DLC1: variants seen among roughly 807,000 people sequenced by gnomAD.
DLC1 encodes DLC1 Rho GTPase activating protein.
DLC1 carries 54 observed loss-of-function variants against 140.3 expected under a neutral mutation model. That is an observed-to-expected ratio of 0.38 (90% confidence interval 0.31 to 0.48). The LOEUF is 0.48. Ranked by LOEUF, DLC1 falls within the 20% of genes least tolerant of loss-of-function variation. The pLI is 0.96. For synonymous variants in DLC1, 986 were observed against 728.1 expected, an observed-to-expected ratio of 1.35 and a Z score of -5.70; for missense variants, 2,536 against 1,907.0, an observed-to-expected ratio of 1.33 and a Z score of -6.14.
At chr8:13,294,425 A>G (rs908803410) in intron 5 of DLC1, among the ~76,000 whole-genome samples, 2 of 152,242 alleles carry the variant, frequency 1.3e-5, no homozygotes, top group Non-Finnish European at 2.9e-5. Context: ...TTGATGTGCT[A>G]TAGTTATATC....
At chr8:13,211,484 C>T (rs905827830) in intron 5 of DLC1, among the ~76,000 whole-genome samples, 3 of 152,136 alleles carry the variant, frequency 2.0e-5, no homozygotes, top group Admixed American at 6.5e-5. Flanking sequence ...TGAGTGAAGC[C>T]AAAAACCCTC....
intron 5 of DLC1, among the ~76,000 whole-genome samples, chr8:13,146,424 G>C (rs1297354446): frequency 6.6e-6 from 1 of 151,814 alleles, no homozygotes. Flanking sequence ...TAACTAGTGA[G>C]CTAGTGATAC....
At chr8:13,601,575 T>C (rs144874910) in intron 1 of DLC1, among the ~76,000 whole-genome samples, 3 of 151,334 alleles carry the variant, frequency 2.0e-5, no homozygotes, top group African/African-American at 7.3e-5. Flanking sequence ...ACTTACAATA[T>C]GAAGCTGGGA....
At chr8:13,361,627 A>G (rs756014778) in intron 4 of DLC1, among the ~76,000 whole-genome samples, 35 of 152,082 alleles carry the variant, frequency 2.3e-4, no homozygotes, top group Admixed American at 8.5e-4. Context: ...AAATAAGTAG[A>G]ATGTGTTTAA....
chr8:13,579,557 T>A (rs1419746461), intron 1 of DLC1, among the ~76,000 whole-genome samples: 39 of 125,918 alleles, frequency 3.1e-4, no homozygotes, highest in Non-Finnish European at 5.0e-4. Flanking sequence ...ATATTATATT[T>A]TATATTATAT....
chr8:13,195,670 C>T (rs781088493), intron 5 of DLC1, among the ~76,000 whole-genome samples: 4 of 152,120 alleles, frequency 2.6e-5, no homozygotes, highest in Non-Finnish European at 4.4e-5. Context: ...CATACAAAAA[C>T]AGATTTCAGA....
intron 5 of DLC1, among the ~76,000 whole-genome samples, chr8:13,245,020 A>C (rs1190946991): frequency 6.6e-6 from 1 of 152,094 alleles, no homozygotes; most frequent in Non-Finnish European, 1.5e-5. Flanking sequence ...TCCACCCCTT[A>C]TGTTAAGGCA....
intron 1 of DLC1, among the ~76,000 whole-genome samples, chr8:13,549,839 G>T (rs1028930429): frequency 6.6e-6 from 1 of 152,090 alleles, no homozygotes; most frequent in Non-Finnish European, 1.5e-5. Flanking sequence ...TAAAGAGATG[G>T]TCTAGCAACA....
chr8:13,317,290 T>A (rs907164348), intron 4 of DLC1, among the ~76,000 whole-genome samples: 5 of 152,212 alleles, frequency 3.3e-5, no homozygotes, highest in Non-Finnish European at 7.3e-5. Context: ...ATGAAAACGT[T>A]AGTGTCCAGA....
At chr8:13,558,742 T>C (rs576135133) in intron 1 of DLC1, 6 of 152,166 alleles carry the variant, frequency 3.9e-5, no homozygotes, top group South Asian at 2.1e-4. Flanking sequence ...GTGTAATTAA[T>C]TTTGGTCCAT....
intron 2 of DLC1, among the ~76,000 whole-genome samples, chr8:13,423,107 A>G (rs1030389066): frequency 5.9e-5 from 9 of 152,146 alleles, no homozygotes; most frequent in African/African-American, 2.2e-4. Context: ...TAAACACAAA[A>G]GAGTCGCTGA....
chr8:13,393,504 A>T (rs751860466), intron 4 of DLC1, 49 bp downstream of exon 4: 2 of 1,565,370 alleles, frequency 1.3e-6, no homozygotes, highest in Non-Finnish European at 1.7e-6. Context: ...TTACCTGATG[A>T]TCATCAACAT....
intron 5 of DLC1, among the ~76,000 whole-genome samples, chr8:13,195,886 A>T (rs1827020523): frequency 6.6e-6 from 1 of 152,106 alleles, no homozygotes; most frequent in South Asian, 2.1e-4. Flanking sequence ...AGAAATATAG[A>T]CTGTCACCTT....
chr8:13,244,828 T>C (rs1829692430), intron 5 of DLC1, among the ~76,000 whole-genome samples: 1 of 152,204 alleles, frequency 6.6e-6, no homozygotes, highest in Non-Finnish European at 1.5e-5. Context: ...TTATAGTATA[T>C]TGTAATTGTC....
chr8:13,341,457 T>C (rs1257366238), intron 4 of DLC1: 1 of 152,000 alleles, frequency 6.6e-6, no homozygotes, highest in East Asian at 1.9e-4. Context: ...ACATGGTTTC[T>C]GATTCACTAG....
At chr8:13,189,509 G>A (rs1282172404) in intron 5 of DLC1, among the ~76,000 whole-genome samples, 2 of 152,148 alleles carry the variant, frequency 1.3e-5, no homozygotes, top group Admixed American at 6.5e-5. Flanking sequence ...CAATACTCAG[G>A]CCCTAACCGC....
At chr8:13,371,369 C>T (rs945901044) in intron 4 of DLC1, among the ~76,000 whole-genome samples, 3 of 152,100 alleles carry the variant, frequency 2.0e-5, no homozygotes, top group African/African-American at 7.2e-5. Context: ...ATATGTTTTT[C>T]TCTTTCTGTT....
At chr8:13,595,680 A>G (rs1468213257) in intron 1 of DLC1, among the ~76,000 whole-genome samples, 1 of 152,060 alleles carries the variant, frequency 6.6e-6, no homozygotes, top group Admixed American at 6.6e-5. Flanking sequence ...ATTTAAACAT[A>G]AACATTCTCT....
chr8:13,135,512 G>T (rs1822497673), intron 5 of DLC1, among the ~76,000 whole-genome samples: 3 of 152,112 alleles, frequency 2.0e-5, no homozygotes. Context: ...AACGCATCCC[G>T]TGATTGGATT....
Sources: gnomAD v4.1 joint callset for allele counts (sites outside exome capture counted in the v4.1 genomes callset) on GRCh38, gnomAD v4.1.1 for gene constraint, MANE v1.5 for transcripts, NCBI Gene and HGNC (gene_info 2026-07-23, HGNC 2026-07-21) for gene names.